Variants in IMP4 observed in about 807,000 individuals in gnomAD.
IMP4 encodes U3 small nucleolar ribonucleoprotein IMP4.
Under a neutral mutation model 42.7 loss-of-function variants are expected in IMP4, and 30 were observed. The observed-to-expected ratio is 0.70, with a 90% CI of 0.53 to 0.95. The LOEUF is 0.95. Among genes scored for constraint, IMP4 ranks in the 40% least tolerant of loss-of-function variants. The pLI is 0.00. For missense variants in IMP4, 382 were observed against 411.4 expected (o/e 0.93, Z 0.62); for synonymous variants, 165 against 165.2 (o/e 1.00, Z 0.01).
Position 130,345,245 on chromosome 2 carries a change from C to A in IMP4, c.197-131C>A, listed in dbSNP as rs1053266563. 3 of 693,968 alleles carry A rather than the reference C, an allele frequency of 4.3e-6. No homozygotes were observed. Among genetic ancestry groups the A allele is most frequent in the Non-Finnish European group, 7.8e-6 (3 of 385,280 alleles). The allele number at this position is 693,968 out of a possible 1,614,324, so 43.0% of individuals were successfully genotyped here. A position where few individuals can be genotyped will look rare whatever the true frequency, so the allele number is the denominator to read the frequency against. On this transcript the variant is annotated intron_variant, in intron 3 of 8. Coordinates refer to ENST00000259239, the MANE Select transcript of IMP4 (RefSeq NM_033416.3). The surrounding 1 kb of genome is among the most constrained non-coding windows in gnomAD (Gnocchi z 4.9). ...AGTAGTTGGAGGCTGCCCTCTTGCC[C>A]GGTGTGCATGTGGAGCATTCCTATT... is the stretch of plus-strand genomic sequence containing the variant.
In IMP4 at chr2:130,345,046, CATT is replaced by C. The variant is rs1419038118; in HGVS notation, c.197-327_197-325del. On this transcript the variant is annotated intron_variant, in intron 3 of 8. Transcript: ENST00000259239. The surrounding 1 kb of genome is among the most constrained non-coding windows in gnomAD (Gnocchi z 4.9). ...CAAGAAACAAGAAAGGAATCCCAAA[CATT>C]ATAGATATTTGTTACGAGGGAAAAG... 5 of 551,748 alleles carry C rather than the reference CATT, an allele frequency of 9.1e-6. No homozygotes were observed. The highest frequency in any genetic ancestry group is 3.8e-5 in the African/African-American group (2 of 53,134). The allele number at this position is 551,748 out of a possible 1,614,324, so 34.2% of individuals were successfully genotyped here.
chr2:130,345,314 G>A lies in IMP4; in HGVS notation c.197-62G>A. On this transcript the variant is annotated intron_variant, in intron 3 of 8. Transcript: ENST00000259239. This position sits in a 1 kb window ranked among gnomAD's most constrained non-coding sequence, Gnocchi z 4.9. The stretch of plus-strand genomic sequence containing the variant: ...CAGCGACATCCAGGCGGTCTTGGCT[G>A]CCCCGAAGTTAGCATTTCATTCCCA... 1.5e-6 allele frequency: 2 copies of A among 1,336,180 alleles called. No individual in the cohort carries two copies. The highest frequency in any genetic ancestry group is 2.1e-6 in the Non-Finnish European group (2 of 942,026). The allele number at this position is 1,336,180 out of a possible 1,614,324, so 82.8% of individuals were successfully genotyped here. A position where few individuals can be genotyped will look rare whatever the true frequency, so the allele number is the denominator to read the frequency against.
chr2:130,343,233 A>C, intron 2 of IMP4, 39 bp downstream of exon 2: 1 of 1,337,690 alleles, frequency 7.5e-7, no homozygotes, highest in African/African-American at 1.4e-5. Flanking sequence ...GTGGTAAACC[A>C]CCCCGGCACG....
chr2:130,346,384 G>C lies in IMP4; in HGVS notation c.792G>C (p.Glu264Asp). 1.3e-6 allele frequency: 2 copies of C among 1,583,338 alleles called. No individual in the cohort carries two copies. The highest frequency in any genetic ancestry group is 1.7e-6 in the Non-Finnish European group (2 of 1,164,670). ...KLYMIRLGTL[E>D]QEATADVEWR... is the part of the protein sequence containing the mutation. ...ACATGATCCGTCTGGGCACGCTGGA[G>C]CAGGAGGCCACAGCAGACGTGGAGT... The change falls in exon 9 of 9, where the codon GAG (glutamate) becomes GAC (aspartate). Residue 264 changes from glutamate (E) to aspartate (D), a missense_variant. Transcript: ENST00000259239.
Position 130,342,927 on chromosome 2 carries a change from C to T in IMP4, c.-6C>T. On this transcript the variant is annotated 5_prime_UTR_variant, in exon 1 of 9. Coordinates refer to ENST00000259239, the MANE Select transcript of IMP4 (RefSeq NM_033416.3). ...CTCCCGGACCCACGTGGAAGCGGCA[C>T]TCAAGATGGTAGGAGAATGAGCTCC... The T allele has an allele frequency of 1.9e-6, 3 of 1,614,138 alleles. No homozygotes were observed. Among genetic ancestry groups the T allele is most frequent in the Non-Finnish European group, 2.5e-6 (3 of 1,180,002 alleles).
Position 130,345,561 on chromosome 2 carries a change from G to T in IMP4, c.307-6G>T, listed in dbSNP as rs116075441. ...GTCCTGACTGTACACTGCCATCCAC[G>T]CCCAGGAGCTGAAGCTGGTGTTCCC... On this transcript the variant is annotated splice_polypyrimidine_tract_variant and splice_region_variant and intron_variant, in intron 4 of 8. Transcript: ENST00000259239. The surrounding 1 kb of genome is among the most constrained non-coding windows in gnomAD (Gnocchi z 4.9). The T allele has an allele frequency of 6.2e-7, 1 of 1,614,136 alleles. No individual in the cohort carries two copies. Among genetic ancestry groups the T allele is most frequent in the South Asian group, 1.1e-5 (1 of 91,078 alleles).
rs144003862 is a variant in IMP4, at chr2:130,346,282, T to G, written c.763+8T>G. ...CCCGCTTTGAGCTGAAGCGTGAGTT[T>G]GAGGCTGAATCCCGTGTCTGGGGTG... On this transcript the variant is annotated splice_region_variant and intron_variant, in intron 8 of 8. Transcript: ENST00000259239. 6.2e-7 allele frequency: 1 copy of G among 1,613,872 alleles called. No homozygotes were observed. The highest frequency in any genetic ancestry group is 8.5e-7 in the Non-Finnish European group (1 of 1,179,860).
In IMP4 at chr2:130,347,259, G is replaced by T. The variant is rs998128264; in HGVS notation, c.*791G>T. The T allele has an allele frequency of 8.5e-5, 13 of 152,240 alleles. 1 individual carries two copies. The highest frequency in any genetic ancestry group is 3.1e-4 in the African/African-American group (13 of 41,438). The allele number at this position is 152,240 out of a possible 1,614,324, so 9.4% of individuals were successfully genotyped here. Reference sequence around the variant, plus strand: ...TAATTTTTTGAGGAACCGCCATACTGTTTTCCATAAAGGCTGTACTAATTT... The same window carrying T: ...TAATTTTTTGAGGAACCGCCATACTTTTTTCCATAAAGGCTGTACTAATTT... On this transcript the variant is annotated 3_prime_UTR_variant, in exon 9 of 9. Coordinates refer to ENST00000259239, the MANE Select transcript of IMP4 (RefSeq NM_033416.3).
chr2:130,345,646 A>G lies in IMP4; in HGVS notation c.386A>G (p.Lys129Arg), dbSNP rs1169479697. The G allele has an allele frequency of 2.5e-6, 4 of 1,614,086 alleles. No homozygotes were observed. Among genetic ancestry groups the G allele is most frequent in the Non-Finnish European group, 3.4e-6 (4 of 1,180,028 alleles). ...HEVGALVRAC[K>R]ANGVTDLLVV... is the part of the protein sequence containing the mutation. ...GTGGGGGCACTGGTGCGAGCCTGCAAAGCCAACGGCGTCACCGATCTGCTG... is the reference window on the plus strand; with the variant it reads ...GTGGGGGCACTGGTGCGAGCCTGCAGAGCCAACGGCGTCACCGATCTGCTG... The change falls in exon 5 of 9, where the codon AAA becomes AGA. Residue 129 changes from lysine to arginine, a missense_variant. Physicochemically the swap from Lys to Arg is conservative, Grantham distance 26. Transcript: ENST00000259239. This position sits in a 1 kb window ranked among gnomAD's most constrained non-coding sequence, Gnocchi z 4.9.
chr2:130,344,016 G>C (rs909695204), intron 2 of IMP4, among the ~76,000 whole-genome samples: 7 of 152,170 alleles, frequency 4.6e-5, no homozygotes, highest in African/African-American at 1.7e-4. Context: ...GTACAGAACA[G>C]TCTATATTTC....
At position 130,345,848 on chromosome 2, in the gene IMP4, G is replaced by A. The variant is rs370302953; in HGVS notation, c.509G>A (p.Arg170Gln). 5.6e-6 allele frequency: 9 copies of A among 1,614,118 alleles called. No homozygotes were observed. Among genetic ancestry groups the A allele is most frequent in the East Asian group, 2.2e-5 (1 of 44,864 alleles). Residue 170 changes from arginine (R) to glutamine (Q), a missense_variant, in exon 6 of 9, where the codon CGG becomes CAG. Coordinates refer to ENST00000259239, the MANE Select transcript of IMP4 (RefSeq NM_033416.3). This position sits in a 1 kb window ranked among gnomAD's most constrained non-coding sequence, Gnocchi z 4.9. ...TTCACGCTGTGCAATGTGGTCATGCGGCATGACATCCCAGACCTGGGCACC... is the reference window on the plus strand; with the variant it reads ...TTCACGCTGTGCAATGTGGTCATGCAGCATGACATCCCAGACCTGGGCACC... ...AYFTLCNVVM[R>Q]HDIPDLGTMS...
intron 3 of IMP4, chr2:130,344,981 A>C: frequency 1.7e-6 from 1 of 574,948 alleles, no homozygotes; most frequent in Non-Finnish European, 3.1e-6. Context: ...AGTGTCCCTC[A>C]CACATTATTG....
At position 130,345,343 on chromosome 2, in the gene IMP4, CTG is replaced by C; in HGVS notation, c.197-31_197-30del. On this transcript the variant is annotated intron_variant, in intron 3 of 8. Transcript: ENST00000259239. The surrounding 1 kb of genome is among the most constrained non-coding windows in gnomAD (Gnocchi z 4.9). The stretch of plus-strand genomic sequence containing the variant: ...CGAAGTTAGCATTTCATTCCCAAGA[CTG>C]TCATGTTCTTGCCCCTCGTGCTCCT... 1.9e-6 allele frequency: 3 copies of C among 1,544,922 alleles called. No homozygotes were observed. The highest frequency in any genetic ancestry group is 2.3e-5 in the South Asian group (2 of 88,532).
Position 130,345,707 on chromosome 2 carries a change from C to G in IMP4, c.439+8C>G. On this transcript the variant is annotated splice_region_variant and intron_variant, in intron 5 of 8. Transcript: ENST00000259239. This position sits in a 1 kb window ranked among gnomAD's most constrained non-coding sequence, Gnocchi z 4.9. The stretch of plus-strand genomic sequence containing the variant: ...AGCATCGGGGCACACCTGGTAAGGC[C>G]GGAGGGAGGGAGTCGGGGTGGGAGC... 6.2e-7 allele frequency: 1 copy of G among 1,613,088 alleles called. No individual in the cohort carries two copies. The highest frequency in any genetic ancestry group is 8.5e-7 in the Non-Finnish European group (1 of 1,179,942).
Position 130,344,719 on chromosome 2 carries a change from A to ATACAAGG in IMP4, c.196+10_196+16dup. On this transcript the variant is annotated splice_region_variant and intron_variant, in intron 3 of 8. Coordinates refer to ENST00000259239, the MANE Select transcript of IMP4 (RefSeq NM_033416.3). The stretch of plus-strand genomic sequence containing the variant: ...GATGATGCTGGAGGTGAAGGTAACT[A>ATACAAGG]TACAAGGTAGCCCTCCCCAACACTG... The ATACAAGG allele has an allele frequency of 6.2e-7, 1 of 1,600,722 alleles. No individual in the cohort carries two copies. Among genetic ancestry groups the ATACAAGG allele is most frequent in the Non-Finnish European group, 8.6e-7 (1 of 1,167,864 alleles).
Position 130,345,268 on chromosome 2 carries a change from A to G in IMP4, c.197-108A>G, listed in dbSNP as rs572714276. The G allele has an allele frequency of 3.9e-5, 31 of 797,730 alleles. No individual in the cohort carries two copies. The highest frequency in any genetic ancestry group is 1.1e-4 in the South Asian group (7 of 63,320). The allele number at this position is 797,730 out of a possible 1,614,324, so 49.4% of individuals were successfully genotyped here. ...CCCGGTGTGCATGTGGAGCATTCCT[A>G]TTGTTGAAGGCTTCGGCAGACAGCG... On this transcript the variant is annotated intron_variant, in intron 3 of 8. Transcript: ENST00000259239. This position sits in a 1 kb window ranked among gnomAD's most constrained non-coding sequence, Gnocchi z 4.9.
intron 2 of IMP4, 144 bp from the exon 3 acceptor site, chr2:130,344,485 C>A (rs1003938501): frequency 1.5e-6 from 1 of 646,670 alleles, no homozygotes; most frequent in African/African-American, 1.8e-5. Flanking sequence ...AGTTTTGTCA[C>A]CTCTATCCAT....
chr2:130,344,461 G>T (rs1232327247), intron 2 of IMP4, among the ~76,000 whole-genome samples, 168 bp from the exon 3 acceptor site: 3 of 152,220 alleles, frequency 2.0e-5, no homozygotes, highest in Admixed American at 1.3e-4. Context: ...GTTTATGGGG[G>T]TTGGCCTGTA....
At position 130,345,176 on chromosome 2, in the gene IMP4, A is replaced by G. The variant is rs1415943092; in HGVS notation, c.197-200A>G. Among the ~76,000 whole-genome samples, 1 of 152,240 alleles carries G rather than the reference A, an allele frequency of 6.6e-6. No individual in the cohort carries two copies. Among genetic ancestry groups the G allele is most frequent in the Non-Finnish European group, 1.5e-5 (1 of 68,048 alleles). ...TATAGCTTAAGCAAACTACAATTAA[A>G]CAAAAGATTCTGTTTCTCAGCCACG... On this transcript the variant is annotated intron_variant, in intron 3 of 8. Transcript: ENST00000259239. This position sits in a 1 kb window ranked among gnomAD's most constrained non-coding sequence, Gnocchi z 4.9.
Sources: gnomAD v4.1 joint callset for allele counts (sites outside exome capture counted in the v4.1 genomes callset) on GRCh38, gnomAD v4.1.1 for gene constraint, Gnocchi (gnomAD v3.1) non-coding constraint, MANE v1.5 for transcripts, NCBI Gene and HGNC (gene_info 2026-07-23, HGNC 2026-07-21) for gene names.